The following PTPN12 variants were observed in gnomAD, a reference collection of about 807,000 sequenced individuals.
The protein encoded by PTPN12 is protein tyrosine phosphatase non-receptor type 12.
A neutral mutation model predicts 97.6 loss-of-function variants in PTPN12; 29 were observed. The observed-to-expected ratio is 0.30, with a 90% CI of 0.22 to 0.41. The LOEUF (loss-of-function observed/expected upper bound fraction) is 0.41. Among genes scored for constraint, PTPN12 ranks in the 10% least tolerant of loss-of-function variants. The probability of loss-of-function intolerance (pLI) is 1.00; values close to 1 mark genes in which losing one functional copy is unlikely to be tolerated. For missense variants in PTPN12, 819 were observed against 926.0 expected, an observed-to-expected ratio of 0.88 and a Z score of 1.50; for synonymous variants, 327 against 300.4, an observed-to-expected ratio of 1.09 and a Z score of -0.91.
chr7:77,575,353 A>T (rs1256540503), intron 2 of PTPN12, among the ~76,000 whole-genome samples: 1 of 150,906 alleles, frequency 6.6e-6, no homozygotes, highest in Non-Finnish European at 1.5e-5. Flanking sequence ...ACACACACAT[A>T]CTCTCTCTTT....
intron 3 of PTPN12, 89 bp downstream of exon 3, chr7:77,581,592 A>G (rs978122525): frequency 1.1e-5 from 7 of 644,884 alleles, no homozygotes; most frequent in African/African-American, 3.8e-5. Flanking sequence ...TTGCTCAAAC[A>G]TGATACCAAC....
At chr7:77,586,525 G>A (rs180951560) in intron 5 of PTPN12, among the ~76,000 whole-genome samples, 17 of 152,210 alleles carry the variant, frequency 1.1e-4, no homozygotes, top group African/African-American at 4.1e-4. Flanking sequence ...TTGAGGCTGC[G>A]GTGAGCTATG....
chr7:77,625,649 C>A (rs1312828744), intron 12 of PTPN12, among the ~76,000 whole-genome samples: 4 of 140,608 alleles, frequency 2.8e-5, no homozygotes, highest in African/African-American at 1.1e-4. Context: ...AACTCACTGC[C>A]ATCTCCACCT....
intron 12 of PTPN12, among the ~76,000 whole-genome samples, chr7:77,618,825 G>A (rs1788840007): frequency 6.6e-6 from 1 of 152,116 alleles, no homozygotes; most frequent in Non-Finnish European, 1.5e-5. Flanking sequence ...TTTGATATGT[G>A]ATATAACTAA....
intron 7 of PTPN12, among the ~76,000 whole-genome samples, chr7:77,598,838 G>T (rs1788101672): frequency 6.7e-6 from 1 of 149,362 alleles, no homozygotes; most frequent in Non-Finnish European, 1.5e-5. Flanking sequence ...TTATTATTTT[G>T]CTTTATATCT....
intron 3 of PTPN12, among the ~76,000 whole-genome samples, chr7:77,581,833 A>G (rs566617954): frequency 6.6e-6 from 1 of 152,320 alleles, no homozygotes; most frequent in Non-Finnish European, 1.5e-5. Flanking sequence ...TTGTTGACCC[A>G]TATAGGTTGT....
intron 11 of PTPN12, among the ~76,000 whole-genome samples, chr7:77,612,214 A>C (rs1275702023): frequency 1.3e-5 from 2 of 152,180 alleles, no homozygotes; most frequent in East Asian, 1.9e-4. Context: ...GGATAATCTA[A>C]TATCGGTCCA....
At chr7:77,625,430 T>A (rs1158743054) in intron 12 of PTPN12, among the ~76,000 whole-genome samples, 3 of 135,768 alleles carry the variant, frequency 2.2e-5, no homozygotes, top group Non-Finnish European at 4.6e-5. Flanking sequence ...TTTTTTGTAT[T>A]TGTTAAAGAC....
Position 77,579,564 on chromosome 7 carries a change from G to T in PTPN12, c.209-1863G>T, listed in dbSNP as rs377080832. ...TGATCATTGTCTTATGGTTATATAAGATGTTACTATTAGAGGAAGTTCAGT... is the reference window on the plus strand; with the variant it reads ...TGATCATTGTCTTATGGTTATATAATATGTTACTATTAGAGGAAGTTCAGT... On this transcript the variant is annotated intron_variant, in intron 2 of 17. Transcript: ENST00000248594. Among the ~76,000 whole-genome samples, 40 of 152,304 alleles carry T rather than the reference G, an allele frequency of 2.6e-4. No individual in the cohort carries two copies. The East Asian group carries it at 6.2e-3, about 23-fold the overall frequency.
intron 14 of PTPN12, among the ~76,000 whole-genome samples, chr7:77,633,142 T>A (rs1216887625): frequency 1.3e-5 from 2 of 151,950 alleles, no homozygotes; most frequent in Non-Finnish European, 2.9e-5. Context: ...TGGTGGCGCA[T>A]GCCTGTAATC....
chr7:77,604,653 G>A (rs1170957507), intron 8 of PTPN12, among the ~76,000 whole-genome samples: 2 of 151,852 alleles, frequency 1.3e-5, no homozygotes, highest in Non-Finnish European at 2.9e-5. Flanking sequence ...TTTTTGAATG[G>A]TTTTTGTCCA....
intron 12 of PTPN12, among the ~76,000 whole-genome samples, chr7:77,618,829 T>A (rs1046357391): frequency 1.3e-5 from 2 of 152,220 alleles, no homozygotes; most frequent in African/African-American, 4.8e-5. Context: ...ATATGTGATA[T>A]AACTAAAATT....
At chr7:77,566,611 C>G (rs1470573272) in intron 1 of PTPN12, among the ~76,000 whole-genome samples, 4 of 152,136 alleles carry the variant, frequency 2.6e-5, no homozygotes, top group African/African-American at 9.7e-5. Flanking sequence ...CCCAGCTACT[C>G]GCTAAGGGAC....
chr7:77,611,814 T>G (rs560156934), intron 11 of PTPN12, among the ~76,000 whole-genome samples: 2 of 152,340 alleles, frequency 1.3e-5, no homozygotes, highest in South Asian at 4.1e-4. Context: ...TTTTGTTGTG[T>G]TATAATTCAG....
At chr7:77,617,144 T>C (rs1229907562) in intron 11 of PTPN12, among the ~76,000 whole-genome samples, 2 of 152,154 alleles carry the variant, frequency 1.3e-5, no homozygotes, top group Non-Finnish European at 2.9e-5. Context: ...ATCTGAAACT[T>C]TGGCGACCAA....
intron 5 of PTPN12, among the ~76,000 whole-genome samples, chr7:77,586,554 A>T (rs1787699426): frequency 6.6e-6 from 1 of 152,198 alleles, no homozygotes; most frequent in South Asian, 2.1e-4. Flanking sequence ...ACTGTACTCC[A>T]GCCTGGGCAG....
intron 12 of PTPN12, among the ~76,000 whole-genome samples, chr7:77,625,224 C>A (rs1789091997): frequency 6.6e-6 from 1 of 150,956 alleles, no homozygotes; most frequent in African/African-American, 2.4e-5. Flanking sequence ...AAAGCCTGGG[C>A]AACATAGTAA....
At chr7:77,594,717 T>G (rs1787971661) in intron 6 of PTPN12, among the ~76,000 whole-genome samples, 1 of 152,160 alleles carries the variant, frequency 6.6e-6, no homozygotes. Flanking sequence ...TTGCCCAGGC[T>G]GATTTTAAAC....
At chr7:77,551,448 G>T (rs1242481148) in intron 1 of PTPN12, among the ~76,000 whole-genome samples, 1 of 152,196 alleles carries the variant, frequency 6.6e-6, no homozygotes, top group Non-Finnish European at 1.5e-5. Context: ...TAATTTTTCA[G>T]TCAGAATTGT....
Sources: gnomAD v4.1 joint callset for allele counts (sites outside exome capture counted in the v4.1 genomes callset) on GRCh38, gnomAD v4.1.1 for gene constraint, MANE v1.5 for transcripts, NCBI Gene and HGNC (gene_info 2026-07-23, HGNC 2026-07-21) for gene names.